The following HS3ST5 variants were observed in gnomAD, a reference collection of about 807,000 sequenced individuals.
HS3ST5 encodes the protein heparan sulfate-glucosamine 3-sulfotransferase 5, also known as heparan sulfate glucosamine 3-O-sulfotransferase 5.
In HS3ST5, 10 loss-of-function variants were observed where a neutral mutation model predicts 25.4. The ratio of observed to expected loss-of-function variants is 0.39; its 90% CI spans 0.24 to 0.67. The LOEUF (loss-of-function observed/expected upper bound fraction) is 0.67. Ranked by LOEUF, HS3ST5 falls within the 30% of genes least tolerant of loss-of-function variation. The probability of loss-of-function intolerance (pLI) is 0.44; values close to 1 mark genes in which losing one functional copy is unlikely to be tolerated. For missense variants in HS3ST5, 324 were observed against 420.7 expected (o/e 0.77, Z 2.01); for synonymous variants, 170 against 162.4 (o/e 1.05, Z -0.36).
At chr6:114,230,358 A>T (rs1314251778) in intron 1 of HS3ST5, 1 of 152,046 alleles carries the variant, frequency 6.6e-6, no homozygotes, top group African/African-American at 2.4e-5. Context: ...TAAGAGACTT[A>T]AGTTTCACCT....
At chr6:114,209,654 A>C (rs1781428914) in intron 2 of HS3ST5, among the ~76,000 whole-genome samples, 1 of 152,198 alleles carries the variant, frequency 6.6e-6, no homozygotes, top group Non-Finnish European at 1.5e-5. Flanking sequence ...TTATAGTAGA[A>C]ACTGGCATGC....
chr6:114,232,662 A>G (rs1453992545), intron 1 of HS3ST5, among the ~76,000 whole-genome samples: 1 of 152,166 alleles, frequency 6.6e-6, no homozygotes, highest in Non-Finnish European at 1.5e-5. Flanking sequence ...ATGAGCCAAA[A>G]TCCCAAGTCT....
chr6:114,313,362 G>A (rs998137414), intron 1 of HS3ST5, among the ~76,000 whole-genome samples: 4 of 152,180 alleles, frequency 2.6e-5, no homozygotes, highest in Non-Finnish European at 4.4e-5. Context: ...AAAGAAAAAC[G>A]TGTTCACAAA....
intron 1 of HS3ST5, among the ~76,000 whole-genome samples, chr6:114,293,222 G>A (rs1774661187): frequency 6.6e-6 from 1 of 152,160 alleles, no homozygotes; most frequent in Admixed American, 6.5e-5. Flanking sequence ...GTTTCAGGCA[G>A]AAGCAGCAGC....
chr6:114,110,755 T>C (rs1166538848), intron 3 of HS3ST5, among the ~76,000 whole-genome samples: 1 of 152,190 alleles, frequency 6.6e-6, no homozygotes, highest in Non-Finnish European at 1.5e-5. Flanking sequence ...ATTAAAAGTG[T>C]CATGGAATTA....
intron 3 of HS3ST5, among the ~76,000 whole-genome samples, chr6:114,124,571 A>C (rs185134494): frequency 1.3e-5 from 2 of 151,324 alleles, no homozygotes; most frequent in African/African-American, 4.9e-5. Flanking sequence ...AGTTTATATT[A>C]ATACTTTTCC....
At chr6:114,114,655 T>C (rs1776428765) in intron 3 of HS3ST5, among the ~76,000 whole-genome samples, 1 of 152,140 alleles carries the variant, frequency 6.6e-6, no homozygotes, top group African/African-American at 2.4e-5. Flanking sequence ...GTTTTTATGA[T>C]TGGCACAATA....
At position 114,168,418 on chromosome 6, in the gene HS3ST5, C is replaced by T. The variant is rs190351280; in HGVS notation, c.-100G>A. 6.6e-6 allele frequency: 1 copy of T among 152,362 alleles called. No individual in the cohort carries two copies. Among genetic ancestry groups the T allele is most frequent in the African/African-American group, 2.4e-5 (1 of 41,572 alleles). 9.4% of individuals were successfully genotyped at this position (152,362 alleles called of 1,614,324 possible). A position where few individuals can be genotyped will look rare whatever the true frequency, so the allele number is the denominator to read the frequency against. On this transcript the variant is annotated 5_prime_UTR_variant, in exon 3 of 5. Coordinates refer to ENST00000312719, the MANE Select transcript of HS3ST5 (RefSeq NM_153612.4). Reference sequence around the variant, plus strand: ...TGTTGGCGGGTATTCCATGGCCTCTCCTCACCTACTGGCTGTCCTTTTGGT... The same window carrying T: ...TGTTGGCGGGTATTCCATGGCCTCTTCTCACCTACTGGCTGTCCTTTTGGT...
chr6:114,091,670 G>A (rs1437821888), intron 3 of HS3ST5, among the ~76,000 whole-genome samples: 2 of 151,650 alleles, frequency 1.3e-5, no homozygotes, highest in Admixed American at 6.6e-5. Flanking sequence ...GTGACAGAGC[G>A]AGACTCCATC....
At chr6:114,066,958 G>A (rs983618117) in intron 3 of HS3ST5, among the ~76,000 whole-genome samples, 1 of 152,120 alleles carries the variant, frequency 6.6e-6, no homozygotes, top group Non-Finnish European at 1.5e-5. Flanking sequence ...CCTTCCTTCT[G>A]AGGTCCCAGT....
At chr6:114,125,358 A>G (rs1038235943) in intron 3 of HS3ST5, among the ~76,000 whole-genome samples, 1 of 152,220 alleles carries the variant, frequency 6.6e-6, no homozygotes, top group Non-Finnish European at 1.5e-5. Flanking sequence ...AAATGTTTGA[A>G]TATTCTGAGA....
intron 1 of HS3ST5, among the ~76,000 whole-genome samples, chr6:114,242,274 TATTAA>T (rs1252924189): frequency 6.6e-6 from 1 of 152,234 alleles, no homozygotes. Context: ...TTAAGCATAT[TATTAA>T]ATTTAATTTT....
chr6:114,195,373 A>AG (rs1365296817), intron 2 of HS3ST5, among the ~76,000 whole-genome samples: 1 of 152,208 alleles, frequency 6.6e-6, no homozygotes, highest in Non-Finnish European at 1.5e-5. Flanking sequence ...TAGAGAGACC[A>AG]GACCCACTGC....
At chr6:114,118,858 G>T (rs546206349) in intron 3 of HS3ST5, among the ~76,000 whole-genome samples, 71 of 152,312 alleles carry the variant, frequency 4.7e-4, no homozygotes, top group African/African-American at 1.6e-3. Context: ...TGAAATGTGG[G>T]TCTCTTTCTC....
chr6:114,133,510 T>A (rs1019849050), intron 3 of HS3ST5, among the ~76,000 whole-genome samples: 2 of 152,168 alleles, frequency 1.3e-5, no homozygotes, highest in African/African-American at 2.4e-5. Context: ...GTTTAACCCA[T>A]GGAAATGATG....
At chr6:114,125,418 A>G (rs1776992096) in intron 3 of HS3ST5, among the ~76,000 whole-genome samples, 1 of 152,246 alleles carries the variant, frequency 6.6e-6, no homozygotes, top group Non-Finnish European at 1.5e-5. Context: ...TTGTAAATAT[A>G]TAAAACTATT....
At chr6:114,304,035 A>G (rs1013499342) in intron 1 of HS3ST5, among the ~76,000 whole-genome samples, 10 of 152,126 alleles carry the variant, frequency 6.6e-5, no homozygotes, top group African/African-American at 2.2e-4. Flanking sequence ...CATTGCTTCC[A>G]TATGCACAGT....
chr6:114,200,942 T>C (rs1165499675), intron 2 of HS3ST5, among the ~76,000 whole-genome samples: 1 of 152,170 alleles, frequency 6.6e-6, no homozygotes, highest in East Asian at 1.9e-4. Flanking sequence ...AGATATAACT[T>C]AATTTATTAG....
chr6:114,264,435 C>G (rs1266297069), intron 1 of HS3ST5, among the ~76,000 whole-genome samples: 1 of 152,136 alleles, frequency 6.6e-6, no homozygotes, highest in African/African-American at 2.4e-5. Flanking sequence ...CATAGAAGAG[C>G]AAATTTCTTC....
Sources: gnomAD v4.1 joint callset for allele counts (sites outside exome capture counted in the v4.1 genomes callset) on GRCh38, gnomAD v4.1.1 for gene constraint, MANE v1.5 for transcripts, NCBI Gene and HGNC (gene_info 2026-07-23, HGNC 2026-07-21) for gene names.